Variants in DMD observed in about 807,000 individuals in gnomAD.
DMD encodes mutant dystrophin.
In DMD, 63 loss-of-function variants were observed where a neutral mutation model predicts 330.1. The ratio of observed to expected loss-of-function variants is 0.19; its 90% CI spans 0.16 to 0.24. DMD has a LOEUF of 0.24. DMD is among the 10% of genes least tolerant of loss of function. The probability of loss-of-function intolerance (pLI) is 1.00; values close to 1 mark genes in which losing one functional copy is unlikely to be tolerated. For missense variants in DMD, 3,344 were observed against 2,684.1 expected, an observed-to-expected ratio of 1.25 and a Z score of -5.43; for synonymous variants, 1,223 against 959.8, an observed-to-expected ratio of 1.27 and a Z score of -5.07.
In DMD at chrX:32,824,320, G is replaced by C. The variant is rs557872912; in HGVS notation, c.265-933C>G. On this transcript the variant is annotated intron_variant, in intron 4 of 78. Coordinates refer to ENST00000357033, the MANE Select transcript of DMD (RefSeq NM_004006.3). ...ACCTGCACCTAAGTGTTCATACTAC[G>C]TTTATTTGTAATAGCCCCAAACTGG... Among the ~76,000 whole-genome samples, 17 of 111,850 alleles carry C rather than the reference G, an allele frequency of 1.5e-4. No individual in the cohort carries two copies. The South Asian group carries it at 1.8e-3, about 12-fold the overall frequency.
At chrX:31,318,684 T>G in intron 62 of DMD, among the ~76,000 whole-genome samples, 1 of 112,159 alleles carries the variant, frequency 8.9e-6, no homozygotes, top group Non-Finnish European at 1.9e-5. Context: ...CCTTTGGACA[T>G]GAGTTGCTTC....
intron 59 of DMD, among the ~76,000 whole-genome samples, chrX:31,476,339 T>C (rs1375641144): frequency 1.9e-5 from 2 of 104,108 alleles, no homozygotes; most frequent in Non-Finnish European, 3.9e-5. Context: ...TATATGTGTA[T>C]ATCTATGTAT....
chrX:31,228,654 C>T (rs747057406), intron 63 of DMD, among the ~76,000 whole-genome samples: 27 of 111,672 alleles, frequency 2.4e-4, no homozygotes, highest in Admixed American at 4.8e-4. Flanking sequence ...CCCCCATTCC[C>T]GTGCCCCATG....
chrX:33,092,687 A>G (rs1296941669), intron 1 of DMD, among the ~76,000 whole-genome samples: 5 of 110,380 alleles, frequency 4.5e-5, no homozygotes, highest in African/African-American at 1.6e-4. Flanking sequence ...TAACCTCACC[A>G]ATAAAGAGCT....
Position 33,018,723 on chromosome X carries a change from A to G in DMD, c.93+1416T>C, listed in dbSNP as rs1354656669. ...TGAAAATATGTCTCTTGTCTGCTTC[A>G]GAATTCCAAAACTTAAAAATGTCAA... On this transcript the variant is annotated intron_variant, in intron 2 of 78. Transcript: ENST00000357033. Among the ~76,000 whole-genome samples, 3 of 111,900 alleles carry G rather than the reference A, an allele frequency of 2.7e-5. No homozygotes were observed. In the Admixed American group the frequency reaches 2.9e-4, roughly 11 times the overall value.
At position 31,177,940 on chromosome X, in the gene DMD, T is replaced by G; in HGVS notation, c.10254A>C (p.Val3418=). ...GCAAAAAAAGTACTCACGCAGAATC[T>G]ACTGGCCAGAAGTTGATCAGAGTAA... is the stretch of plus-strand genomic sequence containing the variant. ...TPVTLINFWP[V]DSAPASSPQL... Residue 3418 remains valine (V), a synonymous_variant, in exon 71 of 79, where the codon GTA becomes GTC. Coordinates refer to ENST00000357033, the MANE Select transcript of DMD (RefSeq NM_004006.3). 8.3e-7 allele frequency: 1 copy of G among 1,207,482 alleles called. No individual in the cohort carries two copies. The highest frequency in any genetic ancestry group is 1.8e-5 in the South Asian group (1 of 56,273).
chrX:31,167,502 A>G (rs1003749087), intron 74 of DMD, among the ~76,000 whole-genome samples: 3 of 111,978 alleles, frequency 2.7e-5, no homozygotes. Flanking sequence ...ACACGATCAT[A>G]TACTTCAAAA....
At chrX:32,009,203 C>T (rs918398503) in intron 44 of DMD, among the ~76,000 whole-genome samples, 12 of 111,443 alleles carry the variant, frequency 1.1e-4, no homozygotes, top group African/African-American at 3.9e-4. Context: ...AGGAAGAGGT[C>T]AAAAGTGTCT....
intron 54 of DMD, among the ~76,000 whole-genome samples, chrX:31,642,976 C>T (rs1290779990): frequency 8.9e-6 from 1 of 111,826 alleles, no homozygotes; most frequent in African/African-American, 3.2e-5. Flanking sequence ...ATTTCAAAAA[C>T]ATCACAGGTC....
chrX:32,550,244 C>A (rs1353438042), intron 16 of DMD, among the ~76,000 whole-genome samples: 1 of 111,685 alleles, frequency 9.0e-6, no homozygotes, highest in Admixed American at 9.5e-5. Context: ...ATAAAACAAT[C>A]TTTAGAAAAT....
rs138552302 is a variant in DMD, at chrX:32,034,586, T to C, written c.6439-66072A>G. Among the ~76,000 whole-genome samples the C allele has an allele frequency of 2.2e-3, 249 of 111,742 alleles. 1 individual carries two copies. Among genetic ancestry groups the C allele is most frequent in the African/African-American group, 7.7e-3 (237 of 30,887 alleles). ...TAGAAAACGTATATGCTGAAAGTGG[T>C]CATTAAAATAATTATGGCTCTAAAA... On this transcript the variant is annotated intron_variant, in intron 44 of 78. Coordinates refer to ENST00000357033, the MANE Select transcript of DMD (RefSeq NM_004006.3).
rs186107442 is a variant in DMD, at chrX:32,857,467, T to C, written c.94-7647A>G. On this transcript the variant is annotated intron_variant, in intron 2 of 78. Coordinates refer to ENST00000357033, the MANE Select transcript of DMD (RefSeq NM_004006.3). ...ATGCCATTAAAATGATGTGTTTTTT[T>C]CCCTCCTTTGGCCAGGAGCAAAATT... is the stretch of plus-strand genomic sequence containing the variant. Among the ~76,000 whole-genome samples the C allele has an allele frequency of 9.7e-3, 1,088 of 112,437 alleles. 13 individuals carry two copies. The highest frequency in any genetic ancestry group is 0.033 in the African/African-American group (1,016 of 30,949).
Position 32,849,927 on chromosome X carries a change from G to T in DMD, c.94-107C>A, listed in dbSNP as rs994314508. On this transcript the variant is annotated intron_variant, in intron 2 of 78. Coordinates refer to ENST00000357033, the MANE Select transcript of DMD (RefSeq NM_004006.3). ...AAAGCTATATTTAAGGATAATTAGT[G>T]TGCATAATTAATCTGCCGAAGATGA... 4 of 633,708 alleles carry T rather than the reference G, an allele frequency of 6.3e-6. No homozygotes were observed. In the African/African-American group the frequency reaches 8.9e-5, roughly 14 times the overall value. 52.2% of individuals were successfully genotyped at this position (633,708 alleles called of 1,213,427 possible).
chrX:32,247,158 G>C (rs2097242970), intron 43 of DMD, among the ~76,000 whole-genome samples: 1 of 111,612 alleles, frequency 9.0e-6, no homozygotes, highest in South Asian at 3.7e-4. Flanking sequence ...TATAAGTAAA[G>C]AGAACAGTAT....
chrX:33,258,470 C>A lies in DMD; in HGVS notation c.7+80789G>T, dbSNP rs759440682. 2.0e-3 allele frequency among the ~76,000 whole-genome samples: 225 copies of A among 111,471 alleles called. 1 individual carries two copies. Among genetic ancestry groups the A allele is most frequent in the African/African-American group, 7.0e-3 (216 of 30,904 alleles). On this transcript the variant is annotated intron_variant, in intron 1 of 17. Coordinates refer to the DMD transcript ENST00000288447. ...AATAGTTTTGATGAAACAAGACAAA[C>A]AACGTACTAAACATTTTGGAATAAT...
At chrX:31,266,704 G>A (rs2051159139) in intron 62 of DMD, 2 of 862,024 alleles carry the variant, frequency 2.3e-6, no homozygotes, top group Non-Finnish European at 3.3e-6. Flanking sequence ...CCCGGGTCCA[G>A]CCGCCGCGCC....
intron 55 of DMD, among the ~76,000 whole-genome samples, chrX:31,537,633 A>G (rs1406985061): frequency 9.0e-6 from 1 of 111,249 alleles, no homozygotes; most frequent in Non-Finnish European, 1.9e-5. Flanking sequence ...GTCCCTTGAA[A>G]TAACATGACA....
chrX:32,439,222 A>G (rs1195014597), intron 28 of DMD, among the ~76,000 whole-genome samples: 1 of 111,828 alleles, frequency 8.9e-6, no homozygotes, highest in Non-Finnish European at 1.9e-5. Context: ...GTTTTAAAAA[A>G]ATGAAAATCT....
At chrX:33,087,281 C>G (rs1275797595) in intron 1 of DMD, among the ~76,000 whole-genome samples, 3 of 112,157 alleles carry the variant, frequency 2.7e-5, no homozygotes, top group African/African-American at 6.5e-5. Context: ...GATTCTTGCT[C>G]TTGGTATAAA....
Sources: allele counts gnomAD v4.1 joint callset (sites outside exome capture counted in the v4.1 genomes callset), GRCh38; gene constraint gnomAD v4.1.1; transcripts MANE v1.5; gene names NCBI Gene and HGNC (gene_info 2026-07-23, HGNC 2026-07-21).